The following SLC1A7 variants were observed in gnomAD, a reference collection of about 807,000 sequenced individuals.
SLC1A7 encodes solute carrier family 1 member 7, also known as excitatory amino acid transporter 5.
Under a neutral mutation model 47.7 loss-of-function variants are expected in SLC1A7, and 40 were observed. The ratio of observed to expected loss-of-function variants is 0.84; its 90% CI spans 0.65 to 1.09. SLC1A7 has a LOEUF of 1.09. Ranked by LOEUF, SLC1A7 falls within the 50% of genes least tolerant of loss-of-function variation. The pLI is 0.00. For synonymous variants in SLC1A7, 323 were observed against 325.6 expected (o/e 0.99, Z 0.09); for missense variants, 746 against 769.5 (o/e 0.97, Z 0.36).
rs1257920854 is a variant in SLC1A7, at chr1:53,142,416, C to T, written c.34G>A (p.Asp12Asn). 1 of 1,612,216 alleles carries T rather than the reference C, an allele frequency of 6.2e-7. No individual in the cohort carries two copies. Residue 12 changes from aspartate (D) to asparagine (N), a missense_variant, in exon 1 of 11, where the codon GAC (aspartate) becomes AAC (asparagine). Transcript: ENST00000371494. Reference protein sequence around the residue: ...VPHAILARGRDVCRRNGLLIL... With the variant: ...VPHAILARGRNVCRRNGLLIL... ...AGGAGTCCATTCCGCCTGCACACGTCCCTCCCCCGTGCCAAGATGGCATGC... is the reference window on the plus strand; with the variant it reads ...AGGAGTCCATTCCGCCTGCACACGTTCCTCCCCCGTGCCAAGATGGCATGC...
At chr1:53,125,547 T>C (rs923028223) in intron 2 of SLC1A7, among the ~76,000 whole-genome samples, 1 of 152,178 alleles carries the variant, frequency 6.6e-6, no homozygotes, top group Non-Finnish European at 1.5e-5. Flanking sequence ...CCAGCCGAGA[T>C]GGCCTGGCAT....
In SLC1A7 at chr1:53,127,197, C is replaced by T. The variant is rs146215744; in HGVS notation, c.215+7153G>A. Among the ~76,000 whole-genome samples, 1,431 of 152,256 alleles carry T rather than the reference C, an allele frequency of 9.4e-3. 11 individuals are homozygous for T. Among genetic ancestry groups the T allele is most frequent in the South Asian group, 0.023 (110 of 4,824 alleles). ...TGAGACTTTCCCTGAACTCTGCTGCCGCTGCCCTCTGCTGCTTCTTATTCA... is the reference window on the plus strand; with the variant it reads ...TGAGACTTTCCCTGAACTCTGCTGCTGCTGCCCTCTGCTGCTTCTTATTCA... On this transcript the variant is annotated intron_variant, in intron 2 of 10. Coordinates refer to ENST00000371494, the MANE Select transcript of SLC1A7 (RefSeq NM_006671.6).
intron 5 of SLC1A7, among the ~76,000 whole-genome samples, chr1:53,100,146 ATCCACATAC>A (rs1644555313): frequency 7.2e-6 from 1 of 138,948 alleles, no homozygotes; most frequent in African/African-American, 2.7e-5. Context: ...ACACTCACAC[ATCCACATAC>A]ACCCACACAC....
intron 1 of SLC1A7, among the ~76,000 whole-genome samples, chr1:53,135,463 C>T (rs1312007797): frequency 1.3e-5 from 2 of 152,202 alleles, no homozygotes; most frequent in African/African-American, 4.8e-5. Flanking sequence ...CAACACCACG[C>T]GGTAGAAACA....
At chr1:53,121,800 T>C (rs1459610374) in intron 2 of SLC1A7, among the ~76,000 whole-genome samples, 8 of 152,218 alleles carry the variant, frequency 5.3e-5, no homozygotes, top group Admixed American at 3.9e-4. Flanking sequence ...TTGGGCTTTG[T>C]TTGCTGCCAG....
chr1:53,125,211 A>G (rs1440741807), intron 2 of SLC1A7, among the ~76,000 whole-genome samples: 1 of 152,158 alleles, frequency 6.6e-6, no homozygotes, highest in Non-Finnish European at 1.5e-5. Flanking sequence ...TCCTATACTA[A>G]TGTAATGTGA....
chr1:53,089,903 C>A lies in SLC1A7; in HGVS notation c.1258G>T (p.Ala420Ser), dbSNP rs1263911084. The change falls in exon 9 of 11, where the codon GCT becomes TCT. Residue 420 changes from alanine (A) to serine (S), a missense_variant. Ala to Ser is a moderately conservative substitution (Grantham distance 99). Transcript: ENST00000371494. ...ACGAGGCCGGCCTGGGGGATGCCAGCTGCCCCAATGCTGGCTGCAGTGGCT... is the reference window on the plus strand; with the variant it reads ...ACGAGGCCGGCCTGGGGGATGCCAGATGCCCCAATGCTGGCTGCAGTGGCT... Reference protein sequence around the residue: ...ITATAASIGAAGIPQAGLVTM... With the variant: ...ITATAASIGASGIPQAGLVTM... 3 of 1,613,564 alleles carry A rather than the reference C, an allele frequency of 1.9e-6. No individual in the cohort carries two copies. Among genetic ancestry groups the A allele is most frequent in the Non-Finnish European group, 1.7e-6 (2 of 1,179,974 alleles).
At chr1:53,122,915 G>C (rs759043899) in intron 2 of SLC1A7, among the ~76,000 whole-genome samples, 9 of 152,162 alleles carry the variant, frequency 5.9e-5, no homozygotes, top group Non-Finnish European at 1.3e-4. Context: ...GATTTCCATG[G>C]AGGGAAGGTG....
intron 2 of SLC1A7, among the ~76,000 whole-genome samples, chr1:53,120,806 G>A (rs998728411): frequency 2.0e-5 from 3 of 152,244 alleles, no homozygotes; most frequent in Non-Finnish European, 2.9e-5. Context: ...CCCAGTCCCC[G>A]CCTTCTTCTC....
rs151319960 is a variant in SLC1A7 at position 53,108,043 on chromosome 1, C to A, written c.432-2269G>T. 669 of 153,754 alleles carry A rather than the reference C, an allele frequency of 4.4e-3. 6 individuals are homozygous for A. Among genetic ancestry groups the A allele is most frequent in the African/African-American group, 0.013 (528 of 41,546 alleles). The allele number at this position is 153,754 out of a possible 1,614,324, so 9.5% of individuals were successfully genotyped here. A position where few individuals can be genotyped will look rare whatever the true frequency, so the allele number is the denominator to read the frequency against. On this transcript the variant is annotated intron_variant, in intron 3 of 10. Transcript: ENST00000371494. ...GTGGGAGGTTTGGTGAGATGGGCACCCTCACATGGTCCTGGCAGCAACCTT... is the reference window on the plus strand; with the variant it reads ...GTGGGAGGTTTGGTGAGATGGGCACACTCACATGGTCCTGGCAGCAACCTT...
chr1:53,124,203 A>G (rs902946010), intron 2 of SLC1A7, among the ~76,000 whole-genome samples: 1 of 151,580 alleles, frequency 6.6e-6, no homozygotes, highest in Non-Finnish European at 1.5e-5. Flanking sequence ...AAGAAAAATC[A>G]GTTTAAAGTC....
At position 53,117,014 on chromosome 1, in the gene SLC1A7, C is replaced by T. The variant is rs767361540; in HGVS notation, c.216-2041G>A. On this transcript the variant is annotated intron_variant, in intron 2 of 10. Transcript: ENST00000371494. ...CTGGACTATGTGGGAGCATCAGAACCGCAAGGGAAGCGGGGACAAGGAAAT... is the reference window on the plus strand; with the variant it reads ...CTGGACTATGTGGGAGCATCAGAACTGCAAGGGAAGCGGGGACAAGGAAAT... Among the ~76,000 whole-genome samples, 8 of 152,290 alleles carry T rather than the reference C, an allele frequency of 5.3e-5. No individual in the cohort carries two copies. In the South Asian group the frequency reaches 6.2e-4, roughly 12 times the overall value.
At chr1:53,134,628 C>T (rs1189325734) in intron 1 of SLC1A7, among the ~76,000 whole-genome samples, 199 bp from the exon 2 acceptor site, 3 of 152,154 alleles carry the variant, frequency 2.0e-5, no homozygotes, top group Non-Finnish European at 4.4e-5. Context: ...CACCAATCCC[C>T]CACAAGCTGT....
rs113739585 is a variant in SLC1A7 at position 53,112,069 on chromosome 1, T to C, written c.431+2689A>G. 4.0e-4 allele frequency among the ~76,000 whole-genome samples: 61 copies of C among 152,362 alleles called. 2 individuals are homozygous for C. The highest frequency in any genetic ancestry group is 1.4e-3 in the African/African-American group (58 of 41,588). ...GTAGACTCCATTTCCCTTGTAACAT[T>C]GTGGTCCCTTCCCACCCTGAGTCTG... On this transcript the variant is annotated intron_variant, in intron 3 of 10. Coordinates refer to ENST00000371494, the MANE Select transcript of SLC1A7 (RefSeq NM_006671.6).
At chr1:53,097,218 C>A (rs1034304296) in intron 5 of SLC1A7, among the ~76,000 whole-genome samples, 2 of 151,722 alleles carry the variant, frequency 1.3e-5, no homozygotes, top group Admixed American at 6.6e-5. Flanking sequence ...TGCCTCAGTA[C>A]ACTCACGCAC....
chr1:53,136,692 G>A (rs1310692525), intron 1 of SLC1A7, among the ~76,000 whole-genome samples: 5 of 119,828 alleles, frequency 4.2e-5, no homozygotes, highest in East Asian at 4.8e-4. Context: ...TTTGAGACAA[G>A]GTCTCATTCT....
At chr1:53,111,627 A>C (rs1644702103) in intron 3 of SLC1A7, among the ~76,000 whole-genome samples, 1 of 152,052 alleles carries the variant, frequency 6.6e-6, no homozygotes, top group Admixed American at 6.5e-5. Context: ...AGAGAATGAG[A>C]GATGTCAGAC....
chr1:53,092,431 T>G, intron 7 of SLC1A7, 123 bp downstream of exon 7: 8 of 724,018 alleles, frequency 1.1e-5, no homozygotes, highest in African/African-American at 1.7e-5. Context: ...CGTCCCCGCA[T>G]TTGTGAGGTG....
intron 3 of SLC1A7, chr1:53,108,390 G>T: frequency 3.4e-6 from 2 of 594,878 alleles, no homozygotes; most frequent in South Asian, 2.2e-5. Context: ...CATTTTAAAT[G>T]TGGGCCTTGG....
Sources: gnomAD v4.1 joint callset for allele counts (sites outside exome capture counted in the v4.1 genomes callset) on GRCh38, gnomAD v4.1.1 for gene constraint, MANE v1.5 for transcripts, NCBI Gene and HGNC (gene_info 2026-07-23, HGNC 2026-07-21) for gene names.